Variants in HIVEP1 observed in about 807,000 individuals in gnomAD.
The protein encoded by HIVEP1 is HIVEP zinc finger 1, also known as zinc finger protein 40.
In HIVEP1, 36 loss-of-function variants were observed where a neutral mutation model predicts 180.0. The ratio of observed to expected loss-of-function variants is 0.20; its 90% CI spans 0.15 to 0.26. The LOEUF is 0.26. Ranked by LOEUF, HIVEP1 falls within the 10% of genes least tolerant of loss-of-function variation. The probability of loss-of-function intolerance (pLI) is 1.00; values close to 1 mark genes in which losing one functional copy is unlikely to be tolerated. For missense variants in HIVEP1, 3,143 were observed against 3,268.7 expected, an observed-to-expected ratio of 0.96 and a Z score of 0.94; for synonymous variants, 1,239 against 1,239.0, an observed-to-expected ratio of 1.00 and a Z score of 0.00.
rs201788958 is a variant in HIVEP1 at position 12,123,784 on chromosome 6, C to T, written c.3989C>T (p.Thr1330Met). The change falls in exon 4 of 9, where the codon ACG (threonine) becomes ATG (methionine). Residue 1330 changes from threonine (T) to methionine (M), a missense_variant. This residue lies in a region of HIVEP1 where 1,357 missense variants were observed against 1,260.5 expected (regional missense o/e 1.08). Coordinates refer to ENST00000379388, the MANE Select transcript of HIVEP1 (RefSeq NM_002114.4). ...TTAGACATAGAGGACGTTTCTAAAA[C>T]GGAGGCTTCCCCCAAAATCGATTTT... ...ASLDIEDVSKTEASPKIDFLN... is the reference protein window; with the variant it reads ...ASLDIEDVSKMEASPKIDFLN... 5.2e-4 allele frequency: 842 copies of T among 1,614,042 alleles called. No individual in the cohort carries two copies. Among genetic ancestry groups the T allele is most frequent in the Middle Eastern group, 8.2e-4 (5 of 6,084 alleles).
At chr6:12,020,735 T>TG (rs1347549753) in intron 2 of HIVEP1, among the ~76,000 whole-genome samples, 1 of 152,190 alleles carries the variant, frequency 6.6e-6, no homozygotes, top group Non-Finnish European at 1.5e-5. Context: ...GAAGTCAGTG[T>TG]GGAAAATACT....
the HIVEP1 span, among the ~76,000 whole-genome samples, chr6:12,211,107 G>C: frequency 6.6e-6 from 1 of 151,652 alleles, no homozygotes; most frequent in Non-Finnish European, 1.5e-5. Flanking sequence ...TCTCTTATAA[G>C]AGTACTTTGA....
At chr6:12,204,094 G>A in the HIVEP1 span, among the ~76,000 whole-genome samples, 1 of 151,330 alleles carries the variant, frequency 6.6e-6, no homozygotes, top group African/African-American at 2.4e-5. Flanking sequence ...AAAAGAAAAA[G>A]TGAAGTTGTG....
Position 12,122,855 on chromosome 6 carries a change from C to T in HIVEP1, c.3060C>T (p.Gly1020=), listed in dbSNP as rs1310601639. ...ILHYRVAGSS[G]IWEQTPQIRK... ...ACTACAGAGTCGCTGGGTCCTCCGGCATCTGGGAACAGACGCCCCAGATAA... is the reference window on the plus strand; with the variant it reads ...ACTACAGAGTCGCTGGGTCCTCCGGTATCTGGGAACAGACGCCCCAGATAA... Residue 1020 remains glycine, a synonymous_variant, in exon 4 of 9, where the codon GGC becomes GGT. Coordinates refer to ENST00000379388, the MANE Select transcript of HIVEP1 (RefSeq NM_002114.4). 6.2e-7 allele frequency: 1 copy of T among 1,614,106 alleles called. No homozygotes were observed. The highest frequency in any genetic ancestry group is 1.7e-5 in the Admixed American group (1 of 60,018).
chr6:12,123,915 A>G lies in HIVEP1; in HGVS notation c.4120A>G (p.Thr1374Ala). Residue 1374 changes from threonine (T) to alanine (A), a missense_variant, in exon 4 of 9, where the codon ACG becomes GCG. Coordinates refer to ENST00000379388, the MANE Select transcript of HIVEP1 (RefSeq NM_002114.4). The stretch of plus-strand genomic sequence containing the variant: ...TACTGCATCAGAACAGATTAATTGC[A>G]CGCAAACGTCAATGGAGGTCTCTGA... Reference protein sequence around the residue: ...RRTASEQINCTQTSMEVSDLR... With the variant: ...RRTASEQINCAQTSMEVSDLR... The G allele has an allele frequency of 6.2e-7, 1 of 1,614,158 alleles. No individual in the cohort carries two copies. The highest frequency in any genetic ancestry group is 8.5e-7 in the Non-Finnish European group (1 of 1,180,000).
chr6:12,057,446 T>C (rs1231527052), intron 2 of HIVEP1, among the ~76,000 whole-genome samples: 1 of 152,198 alleles, frequency 6.6e-6, no homozygotes, highest in Non-Finnish European at 1.5e-5. Flanking sequence ...TTACCCCTTT[T>C]TTGGTAGTTT....
chr6:12,109,469 A>G (rs1340761184), intron 3 of HIVEP1, among the ~76,000 whole-genome samples: 1 of 152,234 alleles, frequency 6.6e-6, no homozygotes, highest in Non-Finnish European at 1.5e-5. Context: ...GTAGTACTCT[A>G]AATCCTTTGT....
At chr6:12,015,359 G>A (rs1279263360) in intron 1 of HIVEP1, among the ~76,000 whole-genome samples, 167 bp from the exon 2 acceptor site, 1 of 152,112 alleles carries the variant, frequency 6.6e-6, no homozygotes, top group Non-Finnish European at 1.5e-5. Context: ...TCCCGATACT[G>A]ACAAAATGAC....
rs774935575 is a variant in HIVEP1 at position 12,098,388 on chromosome 6, G to A, written c.94+9151G>A. ...TGGGGATTCACGGAAGAGTGGTATG[G>A]GGAGAAAAACCCAGGTTTTGTTTGT... is the stretch of plus-strand genomic sequence containing the variant. On this transcript the variant is annotated intron_variant, in intron 3 of 8. Transcript: ENST00000379388. Among the ~76,000 whole-genome samples, 6 of 152,084 alleles carry A rather than the reference G, an allele frequency of 3.9e-5. 1 individual carries two copies. Among genetic ancestry groups the A allele is most frequent in the Non-Finnish European group, 7.4e-5 (5 of 67,996 alleles).
chr6:12,087,637 G>T (rs1581657391), intron 2 of HIVEP1, among the ~76,000 whole-genome samples: 1 of 152,140 alleles, frequency 6.6e-6, no homozygotes, highest in East Asian at 1.9e-4. Context: ...TTAGCCTTTT[G>T]TTACTTACAC....
chr6:12,156,291 G>A (rs774994001), intron 7 of HIVEP1, among the ~76,000 whole-genome samples: 5 of 152,056 alleles, frequency 3.3e-5, no homozygotes, highest in South Asian at 2.1e-4. Flanking sequence ...TGGTGTTTTC[G>A]TCATAAAATC....
In HIVEP1 at chr6:12,161,682, A is replaced by C. The variant is rs766274300; in HGVS notation, c.6731A>C (p.Asp2244Ala). The C allele has an allele frequency of 6.2e-7, 1 of 1,614,008 alleles. No individual in the cohort carries two copies. The highest frequency in any genetic ancestry group is 8.5e-7 in the Non-Finnish European group (1 of 1,180,036). Residue 2244 changes from aspartate (D) to alanine (A), a missense_variant, in exon 8 of 9, where the codon GAC becomes GCC. Physicochemically the swap from Asp to Ala is moderately radical, Grantham distance 126. This residue lies in a region of HIVEP1 where 595 missense variants were observed against 602.2 expected (regional missense o/e 0.99). Coordinates refer to ENST00000379388, the MANE Select transcript of HIVEP1 (RefSeq NM_002114.4). ...ITDCFSGVHT[D>A]PMDVLPRALL... ...GATTGCTTTTCTGGGGTACACACGG[A>C]CCCAATGGACGTTCTGCCCAGGGCG... is the stretch of plus-strand genomic sequence containing the variant.
intron 2 of HIVEP1, among the ~76,000 whole-genome samples, chr6:12,047,356 A>T (rs1263030616): frequency 6.6e-6 from 1 of 152,214 alleles, no homozygotes; most frequent in Non-Finnish European, 1.5e-5. Flanking sequence ...AAACGACTGG[A>T]GACATTTTGT....
intron 8 of HIVEP1, 37 bp downstream of exon 8, chr6:12,161,966 C>A: frequency 6.5e-7 from 1 of 1,545,764 alleles, no homozygotes; most frequent in South Asian, 1.2e-5. Flanking sequence ...TTTCTTTTTT[C>A]GTTTTAACCT....
At chr6:12,147,321 T>G (rs1304308852) in intron 7 of HIVEP1, among the ~76,000 whole-genome samples, 1 of 152,172 alleles carries the variant, frequency 6.6e-6, no homozygotes, top group Non-Finnish European at 1.5e-5. Context: ...GATTCTTGAG[T>G]ATTTTAATTT....
chr6:12,072,892 T>G (rs957135109), intron 2 of HIVEP1, among the ~76,000 whole-genome samples: 5 of 152,256 alleles, frequency 3.3e-5, no homozygotes, highest in African/African-American at 1.2e-4. Flanking sequence ...TCCTATATAT[T>G]ATAGTTATTT....
intron 2 of HIVEP1, among the ~76,000 whole-genome samples, chr6:12,048,582 G>A (rs1280743184): frequency 2.0e-5 from 3 of 152,116 alleles, no homozygotes; most frequent in Non-Finnish European, 2.9e-5. Context: ...GTTGTTCATG[G>A]TACCTGGATA....
chr6:12,037,659 T>C, intron 2 of HIVEP1: 1 of 397,670 alleles, frequency 2.5e-6, no homozygotes, highest in Non-Finnish European at 4.4e-6. Flanking sequence ...TTTTTAAATG[T>C]TCTTCAACAG....
chr6:12,167,254 T>C (rs1174796401), downstream of HIVEP1, among the ~76,000 whole-genome samples: 4 of 152,014 alleles, frequency 2.6e-5, no homozygotes, highest in Non-Finnish European at 4.4e-5. Flanking sequence ...ATTATTTTTG[T>C]TGGAAGACTG....
Sources: allele counts gnomAD v4.1 joint callset (sites outside exome capture counted in the v4.1 genomes callset), GRCh38; gene constraint gnomAD v4.1.1; regional missense constraint gnomAD v4.1.1; transcripts MANE v1.5; gene names NCBI Gene and HGNC (gene_info 2026-07-23, HGNC 2026-07-21).